Variants in CCDC102B observed in about 807,000 individuals in gnomAD.
CCDC102B encodes coiled-coil domain-containing protein 102B.
Under a neutral mutation model 57.4 loss-of-function variants are expected in CCDC102B, and 75 were observed. That is an observed-to-expected ratio of 1.31 (90% confidence interval 1.08 to 1.58). The LOEUF is 1.58. CCDC102B is among the 40% of genes most tolerant of loss of function. The pLI is 0.00. For synonymous variants in CCDC102B, 206 were observed against 201.9 expected, an observed-to-expected ratio of 1.02 and a Z score of -0.17; for missense variants, 636 against 582.6, an observed-to-expected ratio of 1.09 and a Z score of -0.94.
At chr18:68,842,236 A>G (rs977116663) in intron 3 of CCDC102B, among the ~76,000 whole-genome samples, 5 of 131,654 alleles carry the variant, frequency 3.8e-5, no homozygotes, top group Admixed American at 3.2e-4. Context: ...ATATATATAA[A>G]GTATATATAT....
chr18:68,898,129 G>A (rs571841383), intron 6 of CCDC102B, among the ~76,000 whole-genome samples: 12 of 152,036 alleles, frequency 7.9e-5, no homozygotes, highest in African/African-American at 2.7e-4. Context: ...ATGTGGGTTC[G>A]TGTCAATGTG....
chr18:68,726,770 AT>A (rs2032614420), intron 2 of CCDC102B, among the ~76,000 whole-genome samples: 1 of 152,176 alleles, frequency 6.6e-6, no homozygotes, highest in Non-Finnish European at 1.5e-5. Flanking sequence ...CTAATGCTCT[AT>A]CCTGATGATT....
At chr18:68,787,625 T>C (rs879578240) in intron 2 of CCDC102B, among the ~76,000 whole-genome samples, 4 of 150,154 alleles carry the variant, frequency 2.7e-5, no homozygotes, top group Non-Finnish European at 6.0e-5. Context: ...TAGAGGTGTT[T>C]GTAGTATTCT....
In CCDC102B at chr18:69,036,008, G is replaced by A. The variant is rs148324118; in HGVS notation, c.1435-18022G>A. On this transcript the variant is annotated intron_variant, in intron 7 of 7. Transcript: ENST00000360242. ...GCCAAAAACACTTGCCAGAATCCCC[G>A]ATGCTCAACTTGTCACTTCAAGTTC... is the stretch of plus-strand genomic sequence containing the variant. Among the ~76,000 whole-genome samples, 46 of 152,166 alleles carry A rather than the reference G, an allele frequency of 3.0e-4. No homozygotes were observed. In the East Asian group the frequency reaches 8.3e-3, roughly 28 times the overall value.
chr18:68,956,619 A>ATAT (rs571031358), intron 6 of CCDC102B, among the ~76,000 whole-genome samples: 807 of 58,606 alleles, frequency 0.014, 8 homozygotes, highest in East Asian at 0.038. Flanking sequence ...TAAAATATAT[A>ATAT]ATATATATAT....
chr18:68,830,594 A>G (rs559379780), intron 1 of CCDC102B, among the ~76,000 whole-genome samples: 1 of 151,706 alleles, frequency 6.6e-6, no homozygotes, highest in South Asian at 2.1e-4. Flanking sequence ...TATGTAGAAC[A>G]GATTATATAT....
rs2050637204 is a variant in CCDC102B, at chr18:68,983,151, A to G, written c.1264-27783A>G. The stretch of plus-strand genomic sequence containing the variant: ...AATTGAAGAGGAATCCTCAGGGGTG[A>G]TTAAAAGGTTTTTTTTTTTAGTATC... On this transcript the variant is annotated intron_variant, in intron 6 of 7. Transcript: ENST00000360242. 2.0e-5 allele frequency among the ~76,000 whole-genome samples: 3 copies of G among 151,486 alleles called. No homozygotes were observed. The South Asian group carries it at 6.2e-4, about 31-fold the overall frequency.
chr18:68,881,612 C>T (rs901397242), intron 5 of CCDC102B, among the ~76,000 whole-genome samples: 2 of 152,018 alleles, frequency 1.3e-5, no homozygotes, highest in African/African-American at 4.8e-5. Context: ...AACAAAAAGG[C>T]TGAGAACGAG....
intron 2 of CCDC102B, among the ~76,000 whole-genome samples, chr18:68,785,060 G>A (rs1406074204): frequency 1.4e-5 from 2 of 144,098 alleles, no homozygotes; most frequent in African/African-American, 5.2e-5. Context: ...TCCCACCTAT[G>A]AGTGAGAATA....
chr18:68,991,647 G>A (rs2050870553), intron 6 of CCDC102B, among the ~76,000 whole-genome samples: 1 of 152,138 alleles, frequency 6.6e-6, no homozygotes, highest in Admixed American at 6.5e-5. Flanking sequence ...GCTCTCTAGG[G>A]ATGCAAAATG....
At chr18:68,734,507 C>T (rs1365019643) in intron 2 of CCDC102B, among the ~76,000 whole-genome samples, 3 of 152,132 alleles carry the variant, frequency 2.0e-5, no homozygotes, top group African/African-American at 7.2e-5. Flanking sequence ...TTTTATGCGT[C>T]GTGTGTATTT....
At chr18:68,854,334 A>G (rs913734165) in intron 4 of CCDC102B, among the ~76,000 whole-genome samples, 1 of 152,162 alleles carries the variant, frequency 6.6e-6, no homozygotes, top group Non-Finnish European at 1.5e-5. Flanking sequence ...TCCCGACCTC[A>G]GGTGACCCGC....
At chr18:68,886,392 G>C (rs573391984) in intron 5 of CCDC102B, among the ~76,000 whole-genome samples, 2 of 151,900 alleles carry the variant, frequency 1.3e-5, no homozygotes, top group African/African-American at 4.8e-5. Flanking sequence ...AAAATTTTCA[G>C]TAAATGCCAC....
upstream of CCDC102B, among the ~76,000 whole-genome samples, chr18:68,795,778 T>A (rs1297832182): frequency 2.0e-5 from 3 of 152,168 alleles, no homozygotes; most frequent in Non-Finnish European, 4.4e-5. Flanking sequence ...AAGTTAGGAT[T>A]TCAATATATC....
chr18:68,930,885 A>G (rs1280469350), intron 6 of CCDC102B, among the ~76,000 whole-genome samples: 1 of 151,978 alleles, frequency 6.6e-6, no homozygotes, highest in African/African-American at 2.4e-5. Flanking sequence ...AGCAAATGCA[A>G]GATCACAGTA....
intron 4 of CCDC102B, among the ~76,000 whole-genome samples, chr18:68,857,923 G>A (rs568131776): frequency 5.1e-4 from 78 of 152,172 alleles, no homozygotes; most frequent in African/African-American, 1.8e-3. Context: ...TTTATTTTTA[G>A]TCTTTTCTTT....
intron 6 of CCDC102B, among the ~76,000 whole-genome samples, chr18:68,982,143 A>G (rs1017584971): frequency 3.3e-5 from 5 of 151,798 alleles, no homozygotes; most frequent in Non-Finnish European, 7.4e-5. Flanking sequence ...CTGGAGAAAA[A>G]TCCATGCAGA....
intron 6 of CCDC102B, among the ~76,000 whole-genome samples, chr18:68,963,466 AG>A (rs2050094025): frequency 1.3e-5 from 2 of 151,924 alleles, no homozygotes; most frequent in Non-Finnish European, 1.5e-5. Context: ...CTATTCTATA[AG>A]TGATTGCTTT....
intron 2 of CCDC102B, among the ~76,000 whole-genome samples, chr18:68,784,322 A>G (rs1385630239): frequency 6.6e-6 from 1 of 150,784 alleles, no homozygotes; most frequent in Non-Finnish European, 1.5e-5. Flanking sequence ...GAGAGAGGGA[A>G]GTGACACACA....
Sources: gnomAD v4.1 joint callset for allele counts (sites outside exome capture counted in the v4.1 genomes callset) on GRCh38, gnomAD v4.1.1 for gene constraint, MANE v1.5 for transcripts, NCBI Gene and HGNC (gene_info 2026-07-23, HGNC 2026-07-21) for gene names.